The following FSD1L variants were observed in gnomAD, a reference collection of about 807,000 sequenced individuals.
FSD1L encodes FSD1-like protein.
A neutral mutation model predicts 71.6 loss-of-function variants in FSD1L; 45 were observed. The observed-to-expected ratio is 0.63, with a 90% CI of 0.49 to 0.81. The LOEUF is 0.81. Ranked by LOEUF, FSD1L falls within the 30% of genes least tolerant of loss-of-function variation. The pLI is 0.00. For synonymous variants in FSD1L, 197 were observed against 207.2 expected, an observed-to-expected ratio of 0.95 and a Z score of 0.42; for missense variants, 561 against 618.1, an observed-to-expected ratio of 0.91 and a Z score of 0.98.
chr9:105,476,266 G>A (rs1300276973), intron 5 of FSD1L, among the ~76,000 whole-genome samples: 1 of 152,120 alleles, frequency 6.6e-6, no homozygotes, highest in Non-Finnish European at 1.5e-5. Flanking sequence ...CAGAGATGGT[G>A]CCTTCCTTTC....
intron 7 of FSD1L, among the ~76,000 whole-genome samples, chr9:105,488,261 T>C (rs558948964): frequency 6.6e-6 from 1 of 152,366 alleles, no homozygotes; most frequent in African/African-American, 2.4e-5. Context: ...GAATCTTGTA[T>C]AGTTGGAATC....
intron 10 of FSD1L, among the ~76,000 whole-genome samples, chr9:105,529,108 G>C (rs1239483108): frequency 6.6e-6 from 1 of 152,178 alleles, no homozygotes; most frequent in Non-Finnish European, 1.5e-5. Context: ...TCATGAAAAA[G>C]TCAGGAAACA....
rs553957608 is a variant in FSD1L, at chr9:105,524,238, A to C, written c.1026-10255A>C. On this transcript the variant is annotated intron_variant, in intron 10 of 13. Transcript: ENST00000481272. ...GATTTGTGTTTCCTTAAAGTTTACT[A>C]ATAAAACAGTAGCCCACGTAGCTTG... 9.3e-6 allele frequency: 15 copies of C among 1,612,290 alleles called. No individual in the cohort carries two copies. The Admixed American group carries it at 1.8e-4, about 20-fold the overall frequency.
chr9:105,448,994 C>T (rs768684321), intron 1 of FSD1L, among the ~76,000 whole-genome samples: 4 of 152,154 alleles, frequency 2.6e-5, no homozygotes, highest in Non-Finnish European at 5.9e-5. Context: ...GTGAATTATT[C>T]AGTCATAATC....
At chr9:105,474,003 C>G (rs1831637923) in intron 5 of FSD1L, among the ~76,000 whole-genome samples, 1 of 152,166 alleles carries the variant, frequency 6.6e-6, no homozygotes, top group Non-Finnish European at 1.5e-5. Context: ...TGTTTAGTAG[C>G]TTAAACCATT....
chr9:105,529,252 A>T (rs1835733862), intron 10 of FSD1L, among the ~76,000 whole-genome samples: 1 of 152,226 alleles, frequency 6.6e-6, no homozygotes, highest in Non-Finnish European at 1.5e-5. Flanking sequence ...ATATCATTTG[A>T]CCCAGCAATC....
rs1354614885 is a variant in FSD1L, at chr9:105,534,963, C to G, written c.1127-104C>G. The G allele has an allele frequency of 4.6e-6, 5 of 1,097,312 alleles. No homozygotes were observed. In the African/African-American group the frequency reaches 6.3e-5, roughly 14 times the overall value. 68.0% of individuals were successfully genotyped at this position (1,097,312 alleles called of 1,614,324 possible). A position where few individuals can be genotyped will look rare whatever the true frequency, so the allele number is the denominator to read the frequency against. Reference sequence around the variant, plus strand: ...CATGATTATTCTTATAGGAAAAGTACTTGAATAAAAATTTTTGTGTCTTTT... The same window carrying G: ...CATGATTATTCTTATAGGAAAAGTAGTTGAATAAAAATTTTTGTGTCTTTT... On this transcript the variant is annotated intron_variant, in intron 11 of 13. Transcript: ENST00000481272.
At chr9:105,520,023 T>C (rs1007753844) in intron 10 of FSD1L, 19 of 1,456,096 alleles carry the variant, frequency 1.3e-5, no homozygotes, top group Non-Finnish European at 1.6e-5. Flanking sequence ...GCTGGGGAGC[T>C]AATGAGCCTC....
At chr9:105,466,901 T>C (rs1244283441) in intron 3 of FSD1L, among the ~76,000 whole-genome samples, 2 of 152,060 alleles carry the variant, frequency 1.3e-5, no homozygotes, top group African/African-American at 4.8e-5. Flanking sequence ...ATTAGAATTC[T>C]ACCTTAACGT....
intron 1 of FSD1L, among the ~76,000 whole-genome samples, chr9:105,451,149 C>T (rs1176322428): frequency 2.0e-5 from 3 of 152,046 alleles, no homozygotes; most frequent in Non-Finnish European, 2.9e-5. Context: ...TTAGTAGAGA[C>T]GGGGTTTCAT....
chr9:105,489,492 T>C (rs1426320633), intron 7 of FSD1L, among the ~76,000 whole-genome samples: 2 of 151,782 alleles, frequency 1.3e-5, no homozygotes, highest in East Asian at 1.9e-4. Flanking sequence ...TTCTTTGCAG[T>C]TTTATGTTTT....
intron 5 of FSD1L, chr9:105,472,268 T>C (rs1238753178): frequency 5.5e-6 from 2 of 362,238 alleles, no homozygotes; most frequent in Admixed American, 4.8e-5. Context: ...ATCATCACTT[T>C]ATGCACATGA....
chr9:105,533,414 A>ATTTTTTTTTTTTTTT lies in FSD1L; in HGVS notation c.1026-1078_1026-1077insTTTTTTTTTTTTTTT, dbSNP rs1271918066. ...AAGGATTTGGATAATTGCCATTTCCATCTTTTTTTTTTTTTTTTTTTTTTT... is the reference window on the plus strand; with the variant it reads ...AAGGATTTGGATAATTGCCATTTCCATTTTTTTTTTTTTTTTCTTTTTTTTTTTTTTTTTTTTTTT... On this transcript the variant is annotated intron_variant, in intron 10 of 13. Coordinates refer to ENST00000481272, the MANE Select transcript of FSD1L (RefSeq NM_001145313.3). 5.5e-3 allele frequency among the ~76,000 whole-genome samples: 73 copies of ATTTTTTTTTTTTTTT among 13,320 alleles called. 1 individual carries two copies. Among genetic ancestry groups the ATTTTTTTTTTTTTTT allele is most frequent in the South Asian group, 0.019 (5 of 262 alleles). 8.7% of individuals were successfully genotyped at this position (13,320 alleles called of 152,430 possible).
At chr9:105,488,262 A>G (rs1832685010) in intron 7 of FSD1L, among the ~76,000 whole-genome samples, 1 of 152,194 alleles carries the variant, frequency 6.6e-6, no homozygotes, top group Admixed American at 6.5e-5. Context: ...AATCTTGTAT[A>G]GTTGGAATCA....
At chr9:105,535,354 T>C (rs1179105204) in intron 12 of FSD1L, 36 bp downstream of exon 12, 3 of 1,546,812 alleles carry the variant, frequency 1.9e-6, no homozygotes, top group Non-Finnish European at 2.6e-6. Context: ...TTCATCATAG[T>C]TGCTTGCATT....
chr9:105,504,381 G>C (rs765664414), intron 7 of FSD1L, among the ~76,000 whole-genome samples: 3 of 152,156 alleles, frequency 2.0e-5, no homozygotes, highest in Non-Finnish European at 4.4e-5. Context: ...AGTATTTATT[G>C]TACAATTACA....
rs1476363797 is a variant in FSD1L at position 105,551,566 on chromosome 9, A to G, written c.*5083A>G. On this transcript the variant is annotated 3_prime_UTR_variant, in exon 14 of 14. Coordinates refer to ENST00000481272, the MANE Select transcript of FSD1L (RefSeq NM_001145313.3). ...TGGATTTAAGTGTTTGGATAATTGT[A>G]GATGCATTTACTTTGATAAAGCGTG... 1 of 152,224 alleles carries G rather than the reference A, an allele frequency of 6.6e-6. No homozygotes were observed. Among genetic ancestry groups the G allele is most frequent in the Non-Finnish European group, 1.5e-5 (1 of 68,016 alleles). The allele number at this position is 152,224 out of a possible 1,614,324, so 9.4% of individuals were successfully genotyped here.
At chr9:105,469,228 G>A (rs1165985468) in intron 4 of FSD1L, among the ~76,000 whole-genome samples, 1 of 152,172 alleles carries the variant, frequency 6.6e-6, no homozygotes, top group Non-Finnish European at 1.5e-5. Context: ...CAATGAATGT[G>A]GGGGTTTAAA....
At chr9:105,512,601 GAGA>G (rs1408973298) in intron 9 of FSD1L, among the ~76,000 whole-genome samples, 1 of 152,042 alleles carries the variant, frequency 6.6e-6, no homozygotes, top group Non-Finnish European at 1.5e-5. Flanking sequence ...AGGATATATA[GAGA>G]AGAATAATGG....
Sources: gnomAD v4.1 joint callset for allele counts (sites outside exome capture counted in the v4.1 genomes callset) on GRCh38, gnomAD v4.1.1 for gene constraint, MANE v1.5 for transcripts, NCBI Gene and HGNC (gene_info 2026-07-23, HGNC 2026-07-21) for gene names.